The following ZBTB20 variants were observed in gnomAD, a reference collection of about 807,000 sequenced individuals.
ZBTB20 encodes zinc finger and BTB domain-containing protein 20.
A neutral mutation model predicts 56.9 loss-of-function variants in ZBTB20; 9 were observed. The ratio of observed to expected loss-of-function variants is 0.16; its 90% CI spans 0.10 to 0.28. The LOEUF is 0.28. Ranked by LOEUF, ZBTB20 falls within the 10% of genes least tolerant of loss-of-function variation. The pLI, the probability that ZBTB20 is intolerant of heterozygous loss-of-function variation, is 1.00. For missense variants in ZBTB20, 655 were observed against 1,003.0 expected (o/e 0.65, Z 4.69); for synonymous variants, 417 against 420.7 (o/e 0.99, Z 0.11).
chr3:114,970,553 C>T (rs942829407), intron 3 of ZBTB20, among the ~76,000 whole-genome samples: 2 of 152,090 alleles, frequency 1.3e-5, no homozygotes, highest in Non-Finnish European at 2.9e-5. Context: ...AATTAATAAA[C>T]AGGTTTCCAA....
chr3:114,895,019 C>G (rs1348908779), intron 4 of ZBTB20, among the ~76,000 whole-genome samples: 2 of 151,866 alleles, frequency 1.3e-5, no homozygotes, highest in Non-Finnish European at 2.9e-5. Flanking sequence ...GATTGCTGTA[C>G]AAGAAGATAC....
At chr3:115,048,085 C>T (rs2081399701) in intron 2 of ZBTB20, among the ~76,000 whole-genome samples, 1 of 151,838 alleles carries the variant, frequency 6.6e-6, no homozygotes, top group Non-Finnish European at 1.5e-5. Context: ...ATTGGCCGGG[C>T]GTGGTGGCGG....
At chr3:115,038,238 T>G (rs1484013251) in intron 2 of ZBTB20, among the ~76,000 whole-genome samples, 2 of 152,192 alleles carry the variant, frequency 1.3e-5, no homozygotes, top group Non-Finnish European at 2.9e-5. Flanking sequence ...TAATCCAAAA[T>G]CCATTTGTTA....
intron 4 of ZBTB20, among the ~76,000 whole-genome samples, chr3:114,888,018 C>A (rs544577134): frequency 2.4e-4 from 36 of 151,696 alleles, no homozygotes; most frequent in Admixed American, 6.6e-4. Flanking sequence ...CAGATGCCCT[C>A]CAAAAGTGAT....
At chr3:114,907,017 T>C (rs573073731) in intron 3 of ZBTB20, among the ~76,000 whole-genome samples, 3 of 151,986 alleles carry the variant, frequency 2.0e-5, no homozygotes, top group East Asian at 1.9e-4. Flanking sequence ...AACTGAAATG[T>C]ACATTAAACA....
intron 7 of ZBTB20, among the ~76,000 whole-genome samples, chr3:114,431,494 T>C (rs1301249019): frequency 6.6e-6 from 1 of 152,230 alleles, no homozygotes; most frequent in Non-Finnish European, 1.5e-5. Context: ...CTACGACAGC[T>C]AATGATTCAT....
chr3:114,730,817 T>C (rs1430942965), intron 5 of ZBTB20, among the ~76,000 whole-genome samples: 1 of 152,182 alleles, frequency 6.6e-6, no homozygotes, highest in Non-Finnish European at 1.5e-5. Context: ...CCTGTATCAG[T>C]GCCTATATGG....
chr3:115,021,056 G>C (rs1437320923), intron 2 of ZBTB20, among the ~76,000 whole-genome samples: 1 of 150,830 alleles, frequency 6.6e-6, no homozygotes, highest in African/African-American at 2.4e-5. Flanking sequence ...TTATCCTTTA[G>C]TTACTTCTTT....
chr3:114,550,186 C>T (rs763499136), intron 6 of ZBTB20, among the ~76,000 whole-genome samples: 10 of 152,186 alleles, frequency 6.6e-5, no homozygotes, highest in Non-Finnish European at 1.3e-4. Flanking sequence ...GATCCGCCTG[C>T]CTTGGCCTCC....
At chr3:114,663,930 A>G (rs2060899159) in intron 6 of ZBTB20, among the ~76,000 whole-genome samples, 1 of 151,766 alleles carries the variant, frequency 6.6e-6, no homozygotes, top group African/African-American at 2.4e-5. Context: ...ACTCCCACAC[A>G]TTAATAATGG....
chr3:114,734,269 T>C (rs1222061979), intron 5 of ZBTB20, among the ~76,000 whole-genome samples: 1 of 151,984 alleles, frequency 6.6e-6, no homozygotes, highest in African/African-American at 2.4e-5. Flanking sequence ...AAATGTATTA[T>C]ATAAATTTAA....
At chr3:114,849,032 C>A (rs931112809) in intron 4 of ZBTB20, among the ~76,000 whole-genome samples, 1 of 152,180 alleles carries the variant, frequency 6.6e-6, no homozygotes, top group Non-Finnish European at 1.5e-5. Context: ...CAACATAAAA[C>A]CTGTAGACAG....
At chr3:114,912,216 G>A (rs184077264) in intron 3 of ZBTB20, among the ~76,000 whole-genome samples, 85 of 148,930 alleles carry the variant, frequency 5.7e-4, no homozygotes, top group African/African-American at 2.0e-3. Context: ...AACATAACCA[G>A]ACAAAGGAAA....
At chr3:115,091,464 A>T (rs2083190235) in intron 1 of ZBTB20, among the ~76,000 whole-genome samples, 1 of 152,070 alleles carries the variant, frequency 6.6e-6, no homozygotes, top group Non-Finnish European at 1.5e-5. Flanking sequence ...TAAAGCTAGA[A>T]TTAAAAATTA....
chr3:115,017,387 C>G (rs1370373138), intron 2 of ZBTB20, among the ~76,000 whole-genome samples: 4 of 151,560 alleles, frequency 2.6e-5, no homozygotes, highest in Non-Finnish European at 5.9e-5. Flanking sequence ...AGAAAGGACA[C>G]AAACAAAAGG....
At chr3:114,745,161 AAG>A (rs1454290144) in intron 5 of ZBTB20, among the ~76,000 whole-genome samples, 1 of 152,164 alleles carries the variant, frequency 6.6e-6, no homozygotes, top group African/African-American at 2.4e-5. Context: ...AGAAAGGAAG[AAG>A]AGAGTGGGAA....
intron 6 of ZBTB20, among the ~76,000 whole-genome samples, chr3:114,583,048 C>T (rs190014566): frequency 1.4e-4 from 21 of 152,328 alleles, no homozygotes; most frequent in Admixed American, 4.6e-4. Flanking sequence ...CATGAATTAA[C>T]AGAATCAACA....
intron 2 of ZBTB20, among the ~76,000 whole-genome samples, chr3:114,977,767 A>G (rs1318968426): frequency 6.6e-6 from 1 of 152,160 alleles, no homozygotes; most frequent in African/African-American, 2.4e-5. Context: ...GGTATATAAT[A>G]TAAGCATAAA....
At chr3:114,632,947 G>A (rs774903669) in intron 6 of ZBTB20, among the ~76,000 whole-genome samples, 3 of 152,162 alleles carry the variant, frequency 2.0e-5, no homozygotes, top group Non-Finnish European at 4.4e-5. Flanking sequence ...CAACTGTGCA[G>A]GCCAAACATT....
Sources: gnomAD v4.1 joint callset for allele counts (sites outside exome capture counted in the v4.1 genomes callset) on GRCh38, gnomAD v4.1.1 for gene constraint, MANE v1.5 for transcripts, NCBI Gene and HGNC (gene_info 2026-07-23, HGNC 2026-07-21) for gene names.